Variants in ITGBL1 observed in about 807,000 individuals in gnomAD.
ITGBL1 encodes integrin beta-like protein 1.
Under a neutral mutation model 68.5 loss-of-function variants are expected in ITGBL1, and 51 were observed. That is an observed-to-expected ratio of 0.74 (90% confidence interval 0.59 to 0.94). ITGBL1 has a LOEUF of 0.94. Ranked by LOEUF, ITGBL1 falls within the 40% of genes least tolerant of loss-of-function variation. The pLI is 0.00. For missense variants in ITGBL1, 649 were observed against 647.4 expected (o/e 1.00, Z -0.03); for synonymous variants, 209 against 227.3 (o/e 0.92, Z 0.72).
intron 2 of ITGBL1, among the ~76,000 whole-genome samples, chr13:101,552,843 CA>C (rs1453880703): frequency 2.6e-5 from 4 of 152,126 alleles, no homozygotes; most frequent in Non-Finnish European, 4.4e-5. Flanking sequence ...ATTTGTAGAT[CA>C]TAAGGTGATT....
chr13:101,691,792 G>A (rs1409625969), intron 7 of ITGBL1, among the ~76,000 whole-genome samples: 1 of 152,182 alleles, frequency 6.6e-6, no homozygotes, highest in African/African-American at 2.4e-5. Context: ...CCATTGGAAA[G>A]TTACTTGGCC....
intron 7 of ITGBL1, among the ~76,000 whole-genome samples, chr13:101,663,319 A>G (rs1236620378): frequency 6.6e-6 from 1 of 152,196 alleles, no homozygotes; most frequent in East Asian, 1.9e-4. Context: ...CAACTGGTGT[A>G]GCTTTATGAA....
intron 2 of ITGBL1, among the ~76,000 whole-genome samples, chr13:101,482,874 C>T (rs1324629763): frequency 2.6e-5 from 4 of 152,180 alleles, no homozygotes; most frequent in African/African-American, 9.6e-5. Flanking sequence ...GCAGCACACG[C>T]ATCAACGGGG....
chr13:101,607,437 G>C (rs1230368685), intron 7 of ITGBL1, among the ~76,000 whole-genome samples: 1 of 151,842 alleles, frequency 6.6e-6, no homozygotes, highest in Non-Finnish European at 1.5e-5. Context: ...AATTGAAATG[G>C]CTGCATAATA....
chr13:101,663,610 T>C (rs1055648533), intron 7 of ITGBL1, among the ~76,000 whole-genome samples: 6 of 152,128 alleles, frequency 3.9e-5, no homozygotes, highest in Non-Finnish European at 7.4e-5. Context: ...ATAATCCAAA[T>C]TGAGGTAATG....
chr13:101,523,790 T>C (rs1481948414), intron 2 of ITGBL1, among the ~76,000 whole-genome samples: 2 of 152,220 alleles, frequency 1.3e-5, no homozygotes, highest in Non-Finnish European at 2.9e-5. Flanking sequence ...TGCTCCATCA[T>C]AGTAATCCTC....
intron 2 of ITGBL1, among the ~76,000 whole-genome samples, chr13:101,511,575 C>T (rs1417882576): frequency 6.6e-6 from 1 of 152,058 alleles, no homozygotes; most frequent in African/African-American, 2.4e-5. Context: ...CAGGTAAGCC[C>T]TTTAAAGGAA....
intron 6 of ITGBL1, among the ~76,000 whole-genome samples, chr13:101,592,346 A>G (rs993869162): frequency 2.0e-5 from 3 of 152,134 alleles, no homozygotes; most frequent in Admixed American, 6.5e-5. Flanking sequence ...TGGAGACTCC[A>G]TAAGATAACA....
chr13:101,461,135 T>C (rs191189523), intron 2 of ITGBL1, among the ~76,000 whole-genome samples: 186 of 152,286 alleles, frequency 1.2e-3, no homozygotes, highest in Non-Finnish European at 2.2e-3. Flanking sequence ...CTATGTAAAG[T>C]TTCCCCAGAA....
intron 3 of ITGBL1, 148 bp downstream of exon 3, chr13:101,567,993 G>A: frequency 1.5e-6 from 1 of 661,700 alleles, no homozygotes; most frequent in Admixed American, 3.2e-5. Flanking sequence ...TAAATCAATA[G>A]AAAAAAAATG....
intron 2 of ITGBL1, among the ~76,000 whole-genome samples, chr13:101,531,049 T>A (rs1275503498): frequency 1.3e-5 from 2 of 151,674 alleles, no homozygotes; most frequent in African/African-American, 4.8e-5. Context: ...ATTAGAGGAT[T>A]TTTTTTATTT....
rs561428940 is a variant in ITGBL1, at chr13:101,712,195, T to C, written c.1280-2243T>C. ...GTAGAATAATTTCCTACCTCTAAGATGCACTGAGCATTGACAAACAGGAAA... is the reference window on the plus strand; with the variant it reads ...GTAGAATAATTTCCTACCTCTAAGACGCACTGAGCATTGACAAACAGGAAA... On this transcript the variant is annotated intron_variant, in intron 9 of 10. Transcript: ENST00000376180. The C allele has an allele frequency of 3.9e-5, 6 of 152,316 alleles. No individual in the cohort carries two copies. In the South Asian group the frequency reaches 1.2e-3, roughly 32 times the overall value. 9.4% of individuals were successfully genotyped at this position (152,316 alleles called of 1,614,324 possible).
At chr13:101,718,202 T>C (rs1463771064), downstream of ITGBL1, 1 of 152,156 alleles carries the variant, frequency 6.6e-6, no homozygotes, top group Non-Finnish European at 1.5e-5. Flanking sequence ...TTTTTACTTA[T>C]TTCTGTCCAC....
intron 9 of ITGBL1, among the ~76,000 whole-genome samples, chr13:101,707,849 T>G (rs1487093109): frequency 8.4e-6 from 1 of 118,602 alleles, no homozygotes; most frequent in Non-Finnish European, 1.7e-5. Flanking sequence ...CAAGACTCCA[T>G]CTCCCAGAAA....
At chr13:101,569,781 T>C (rs1018826369) in intron 3 of ITGBL1, among the ~76,000 whole-genome samples, 1 of 152,182 alleles carries the variant, frequency 6.6e-6, no homozygotes, top group East Asian at 1.9e-4. Flanking sequence ...TGGTTTTGTG[T>C]TCTCAAAATG....
At chr13:101,485,839 A>C (rs2048694966) in intron 2 of ITGBL1, among the ~76,000 whole-genome samples, 1 of 152,162 alleles carries the variant, frequency 6.6e-6, no homozygotes, top group Non-Finnish European at 1.5e-5. Flanking sequence ...CATCAAAAAA[A>C]CAATAGATGT....
At position 101,452,810 on chromosome 13, in the gene ITGBL1, C is replaced by G; in HGVS notation, c.-24C>G. ...CCCCACCTTGCAGAAGTGCAGCTCG[C>G]CCGGAGCAGCCCAGGAGCTCAGCAT... On this transcript the variant is annotated 5_prime_UTR_variant, in exon 1 of 11. Coordinates refer to ENST00000376180, the MANE Select transcript of ITGBL1 (RefSeq NM_004791.3). The G allele has an allele frequency of 6.2e-7, 1 of 1,603,600 alleles. No individual in the cohort carries two copies. The highest frequency in any genetic ancestry group is 8.5e-7 in the Non-Finnish European group (1 of 1,170,844).
intron 7 of ITGBL1, among the ~76,000 whole-genome samples, chr13:101,642,818 G>A (rs1005609540): frequency 5.3e-5 from 8 of 152,002 alleles, no homozygotes; most frequent in African/African-American, 1.9e-4. Flanking sequence ...TATTAAATGT[G>A]GAATCCTTTC....
chr13:101,560,719 T>C (rs1472883320), intron 2 of ITGBL1, among the ~76,000 whole-genome samples: 1 of 152,184 alleles, frequency 6.6e-6, no homozygotes. Flanking sequence ...ACATTCCAAG[T>C]GGTTAAGAAG....
Sources: gnomAD v4.1 joint callset for allele counts (sites outside exome capture counted in the v4.1 genomes callset) on GRCh38, gnomAD v4.1.1 for gene constraint, MANE v1.5 for transcripts, NCBI Gene and HGNC (gene_info 2026-07-23, HGNC 2026-07-21) for gene names.